The following FTO variants were observed in gnomAD, a reference collection of about 807,000 sequenced individuals.
FTO encodes the protein FTO alpha-ketoglutarate dependent dioxygenase, also known as alpha-ketoglutarate-dependent dioxygenase FTO.
FTO carries 47 observed loss-of-function variants against 63.9 expected under a neutral mutation model. The ratio of observed to expected loss-of-function variants is 0.74; its 90% CI spans 0.58 to 0.94. The LOEUF is 0.94. FTO is among the 40% of genes least tolerant of loss of function. The pLI is 0.00. For synonymous variants in FTO, 207 were observed against 224.4 expected (o/e 0.92, Z 0.69); for missense variants, 562 against 618.1 (o/e 0.91, Z 0.96).
At chr16:53,971,074 G>A (rs549148071) in intron 8 of FTO, among the ~76,000 whole-genome samples, 14 of 152,288 alleles carry the variant, frequency 9.2e-5, no homozygotes, top group Admixed American at 7.2e-4. Flanking sequence ...ATAGGAGCCT[G>A]TGATTTTTCA....
chr16:53,972,361 A>G (rs2083344883), intron 8 of FTO, among the ~76,000 whole-genome samples: 1 of 152,128 alleles, frequency 6.6e-6, no homozygotes, highest in African/African-American at 2.4e-5. Context: ...ATCATCCTTC[A>G]TCTCTCTGAA....
At chr16:53,783,395 G>A (rs1332125162) in intron 1 of FTO, among the ~76,000 whole-genome samples, 3 of 151,632 alleles carry the variant, frequency 2.0e-5, no homozygotes, top group South Asian at 2.1e-4. Flanking sequence ...GGCGGGTCAC[G>A]AGGAGATCGA....
At chr16:54,080,821 C>G (rs1001479945) in intron 8 of FTO, among the ~76,000 whole-genome samples, 36 of 152,194 alleles carry the variant, frequency 2.4e-4, no homozygotes, top group Admixed American at 2.4e-3. Context: ...GCATTTGCGT[C>G]AGTATTCTGC....
At chr16:54,039,842 G>A (rs186319778) in intron 8 of FTO, 3 of 152,298 alleles carry the variant, frequency 2.0e-5, no homozygotes, top group East Asian at 3.9e-4. Context: ...CTTGCTTCCT[G>A]TAGGAATTTG....
chr16:53,931,360 G>C (rs1447123421), intron 7 of FTO, among the ~76,000 whole-genome samples: 1 of 141,616 alleles, frequency 7.1e-6, no homozygotes, highest in Non-Finnish European at 1.5e-5. Flanking sequence ...AGGTTGGAGT[G>C]CAATGGCGCG....
intron 7 of FTO, among the ~76,000 whole-genome samples, chr16:53,902,707 C>G (rs764661433): frequency 5.9e-5 from 9 of 152,178 alleles, no homozygotes; most frequent in Non-Finnish European, 1.3e-4. Flanking sequence ...TTGTCTTATT[C>G]TGGCTACTCC....
chr16:53,903,658 A>G (rs1430812151), intron 7 of FTO, among the ~76,000 whole-genome samples: 2 of 152,200 alleles, frequency 1.3e-5, no homozygotes, highest in African/African-American at 2.4e-5. Context: ...CTTTTAAATT[A>G]CTGTGTAGCT....
rs781028867 is a variant in FTO at position 53,873,846 on chromosome 16, C to T, written c.956C>T (p.Ser319Phe). 6.2e-7 allele frequency: 1 copy of T among 1,612,522 alleles called. No individual in the cohort carries two copies. Among genetic ancestry groups the T allele is most frequent in the Non-Finnish European group, 8.5e-7 (1 of 1,178,894 alleles). ...VLAGSQPRFS[S>F]THRVAECSTG... is the part of the protein sequence containing the mutation. Reference sequence around the variant, plus strand: ...GCCGGTTCACAACCTCGGTTTAGTTCCACCCACCGAGTGGCAGAGGTAAGT... The same window carrying T: ...GCCGGTTCACAACCTCGGTTTAGTTTCACCCACCGAGTGGCAGAGGTAAGT... Residue 319 changes from serine to phenylalanine, a missense_variant, in exon 5 of 9, where the codon TCC (serine) becomes TTC (phenylalanine). Ser to Phe is a radical substitution (Grantham distance 155). Coordinates refer to ENST00000471389, the MANE Select transcript of FTO (RefSeq NM_001080432.3).
At chr16:53,950,136 A>C (rs1054760482) in intron 8 of FTO, among the ~76,000 whole-genome samples, 19 of 146,560 alleles carry the variant, frequency 1.3e-4, no homozygotes, top group African/African-American at 4.5e-4. Context: ...GGCAGGAAAA[A>C]AAAAGATATT....
At chr16:53,789,456 T>C (rs192986839) in intron 1 of FTO, among the ~76,000 whole-genome samples, 1 of 152,304 alleles carries the variant, frequency 6.6e-6, no homozygotes, top group African/African-American at 2.4e-5. Flanking sequence ...TTCCTAACTT[T>C]GAAGCTAGAG....
intron 8 of FTO, among the ~76,000 whole-genome samples, chr16:53,940,741 C>T (rs980397799): frequency 2.6e-5 from 4 of 152,334 alleles, no homozygotes; most frequent in South Asian, 2.1e-4. Context: ...TTTAGAACTA[C>T]TTGCTTCTAC....
intron 1 of FTO, among the ~76,000 whole-genome samples, chr16:53,705,579 C>T (rs1395694848): frequency 6.6e-6 from 1 of 152,190 alleles, no homozygotes; most frequent in Non-Finnish European, 1.5e-5. Flanking sequence ...TAGGGCAATA[C>T]ACCTAAGGAT....
chr16:53,968,868 G>A (rs1359516620), intron 8 of FTO, among the ~76,000 whole-genome samples: 3 of 152,160 alleles, frequency 2.0e-5, no homozygotes, highest in Non-Finnish European at 4.4e-5. Context: ...TTGTTGTTAT[G>A]TGATCATGAA....
At chr16:53,823,098 T>G (rs774095983) in intron 2 of FTO, among the ~76,000 whole-genome samples, 1 of 152,216 alleles carries the variant, frequency 6.6e-6, no homozygotes, top group Non-Finnish European at 1.5e-5. Context: ...TCATTCCATC[T>G]TCGCCTACTC....
At chr16:53,797,887 G>A (rs1247295637) in intron 1 of FTO, among the ~76,000 whole-genome samples, 3 of 152,124 alleles carry the variant, frequency 2.0e-5, no homozygotes, top group Non-Finnish European at 4.4e-5. Flanking sequence ...TCTGCCTTGT[G>A]TAACTTAAAT....
intron 1 of FTO, among the ~76,000 whole-genome samples, chr16:53,708,396 A>G (rs2075679502): frequency 6.6e-6 from 1 of 152,074 alleles, no homozygotes; most frequent in East Asian, 1.9e-4. Flanking sequence ...GTGTCAGGAT[A>G]TACCATATTT....
intron 8 of FTO, among the ~76,000 whole-genome samples, chr16:53,974,057 G>A (rs1387717845): frequency 1.3e-5 from 2 of 152,066 alleles, no homozygotes; most frequent in Non-Finnish European, 2.9e-5. Context: ...TAGATTTATG[G>A]GCCCTGCTTG....
intron 8 of FTO, chr16:53,956,729 C>G (rs2082940343): frequency 6.6e-6 from 1 of 151,494 alleles, no homozygotes; most frequent in Admixed American, 6.6e-5. Flanking sequence ...ATGGCACAAT[C>G]TTGGCTCACT....
At position 53,865,772 on chromosome 16, in the gene FTO, A is replaced by G. The variant is rs550158870; in HGVS notation, c.896-8014A>G. ...TCCCCTTTAGTTCTTCCTCTTTCCT[A>G]TGAAACTGCCAGTCAGATTAGATTA... On this transcript the variant is annotated intron_variant, in intron 4 of 8. Transcript: ENST00000471389. Among the ~76,000 whole-genome samples the G allele has an allele frequency of 4.6e-5, 7 of 152,210 alleles. No individual in the cohort carries two copies. In the East Asian group the frequency reaches 1.4e-3, roughly 29 times the overall value.
Sources: gnomAD v4.1 joint callset for allele counts (sites outside exome capture counted in the v4.1 genomes callset) on GRCh38, gnomAD v4.1.1 for gene constraint, MANE v1.5 for transcripts, NCBI Gene and HGNC (gene_info 2026-07-23, HGNC 2026-07-21) for gene names.